The following ABI3BP variants were observed in gnomAD, a reference collection of about 807,000 sequenced individuals.
ABI3BP encodes target of Nesh-SH3.
Under a neutral mutation model 268.6 loss-of-function variants are expected in ABI3BP, and 216 were observed. The observed-to-expected ratio is 0.80, with a 90% CI of 0.72 to 0.90. The LOEUF is 0.90. Among genes scored for constraint, ABI3BP ranks in the 40% least tolerant of loss-of-function variants. The probability of loss-of-function intolerance (pLI) is 0.00; values close to 1 mark genes in which losing one functional copy is unlikely to be tolerated. For missense variants in ABI3BP, 2,090 were observed against 2,182.4 expected, an observed-to-expected ratio of 0.96 and a Z score of 0.84; for synonymous variants, 730 against 730.0, an observed-to-expected ratio of 1.00 and a Z score of 0.00.
At position 100,866,914 on chromosome 3, in the gene ABI3BP, G is replaced by A. The variant is rs1258036042; in HGVS notation, c.953C>T (p.Pro318Leu). ...TLALPAESKT[P>L]EVEKISARPT... ...TCGTGCTGAGATTTTTTCAACCTCTGGTGTTTTAGATTCGGCAGGTAATGC... is the reference window on the plus strand; with the variant it reads ...TCGTGCTGAGATTTTTTCAACCTCTAGTGTTTTAGATTCGGCAGGTAATGC... Residue 318 changes from proline (P) to leucine (L), a missense_variant, in exon 10 of 68, where the codon CCA (proline) becomes CTA (leucine). Pro to Leu is a moderately conservative substitution (Grantham distance 98). Coordinates refer to ENST00000471714, the MANE Select transcript of ABI3BP (RefSeq NM_001375547.2). 1 of 1,613,744 alleles carries A rather than the reference G, an allele frequency of 6.2e-7. No homozygotes were observed. Among genetic ancestry groups the A allele is most frequent in the Non-Finnish European group, 8.5e-7 (1 of 1,179,766 alleles).
intron 45 of ABI3BP, 63 bp from the exon 46 acceptor site, chr3:100,812,586 C>T: frequency 1.8e-6 from 2 of 1,087,346 alleles, no homozygotes; most frequent in Non-Finnish European, 2.4e-6. Context: ...TATAAAAGTG[C>T]TTTGCATCCA....
intron 13 of ABI3BP, 97 bp downstream of exon 13, chr3:100,862,741 A>T: frequency 1.2e-6 from 1 of 843,236 alleles, no homozygotes; most frequent in African/African-American, 1.7e-5. Context: ...CTATCAGTTC[A>T]TGAGGTTTCC....
rs148455289 is a variant in ABI3BP, at chr3:100,837,797, T to A, written c.2083+413A>T. 1.6e-4 allele frequency among the ~76,000 whole-genome samples: 24 copies of A among 152,212 alleles called. No individual in the cohort carries two copies. The East Asian group carries it at 4.6e-3, about 29-fold the overall frequency. On this transcript the variant is annotated intron_variant, in intron 26 of 67. Transcript: ENST00000471714. The stretch of plus-strand genomic sequence containing the variant: ...AGAATAAAATAAAATGTCAATAGAG[T>A]ATTTTAGAGGAAGCTAATCCCTGAC...
chr3:100,942,906 G>A (rs1025135301), intron 1 of ABI3BP, among the ~76,000 whole-genome samples: 7 of 152,068 alleles, frequency 4.6e-5, no homozygotes, highest in African/African-American at 1.4e-4. Flanking sequence ...GACATTTACA[G>A]ATATTCAACA....
At chr3:100,880,664 G>A (rs1216567016) in intron 6 of ABI3BP, among the ~76,000 whole-genome samples, 2 of 152,084 alleles carry the variant, frequency 1.3e-5, no homozygotes, top group African/African-American at 4.8e-5. Flanking sequence ...TTCTTGCCAT[G>A]GCTAGGAAAG....
intron 12 of ABI3BP, 160 bp downstream of exon 12, chr3:100,863,842 A>G: frequency 3.5e-6 from 2 of 570,124 alleles, no homozygotes; most frequent in Non-Finnish European, 6.2e-6. Flanking sequence ...CAACCAAACA[A>G]TTTGTCATAG....
chr3:100,942,040 A>G (rs945382801), intron 1 of ABI3BP, among the ~76,000 whole-genome samples: 8 of 152,158 alleles, frequency 5.3e-5, no homozygotes, highest in African/African-American at 1.7e-4. Flanking sequence ...ACTGACCAAA[A>G]AAACTAAATA....
intron 1 of ABI3BP, among the ~76,000 whole-genome samples, chr3:100,957,764 A>G (rs554850209): frequency 6.6e-6 from 1 of 152,198 alleles, no homozygotes; most frequent in African/African-American, 2.4e-5. Flanking sequence ...CTTAAATTTG[A>G]CCCTGGTTCC....
chr3:100,753,464 TA>T (rs1181100445), intron 65 of ABI3BP, among the ~76,000 whole-genome samples: 1 of 152,034 alleles, frequency 6.6e-6, no homozygotes, highest in Non-Finnish European at 1.5e-5. Context: ...TTTTTATTTT[TA>T]AATTTTTTGT....
intron 10 of ABI3BP, among the ~76,000 whole-genome samples, chr3:100,865,524 C>G (rs916986343): frequency 6.6e-6 from 1 of 152,208 alleles, no homozygotes; most frequent in African/African-American, 2.4e-5. Context: ...CACACTCCTT[C>G]CCCACCAGCC....
chr3:100,847,551 T>TA lies in ABI3BP; in HGVS notation c.1648+50_1648+51insT, dbSNP rs1165423360. The TA allele has an allele frequency of 2.2e-5, 33 of 1,490,962 alleles. No individual in the cohort carries two copies. In the African/African-American group the frequency reaches 4.2e-4, roughly 19 times the overall value. 92.4% of individuals were successfully genotyped at this position (1,490,962 alleles called of 1,614,324 possible). A position where few individuals can be genotyped will look rare whatever the true frequency, so the allele number is the denominator to read the frequency against. ...TTACATAAAAGCTGGGGTACTGGATTTTCCATGGTGAAATGAAGCAACACA... is the reference window on the plus strand; with the variant it reads ...TTACATAAAAGCTGGGGTACTGGATTATTCCATGGTGAAATGAAGCAACACA... On this transcript the variant is annotated intron_variant, in intron 19 of 67. Coordinates refer to ENST00000471714, the MANE Select transcript of ABI3BP (RefSeq NM_001375547.2).
At chr3:100,777,827 G>C (rs2096751053) in intron 59 of ABI3BP, among the ~76,000 whole-genome samples, 1 of 152,184 alleles carries the variant, frequency 6.6e-6, no homozygotes, top group South Asian at 2.1e-4. Context: ...TTTAGTCCCA[G>C]ATCTTCCCCT....
chr3:100,855,145 T>C (rs1325206705), intron 14 of ABI3BP, among the ~76,000 whole-genome samples: 2 of 152,130 alleles, frequency 1.3e-5, no homozygotes, highest in Non-Finnish European at 2.9e-5. Flanking sequence ...CCAGGCTGGC[T>C]TCAAACTCCT....
rs570335167 is a variant in ABI3BP at position 100,784,046 on chromosome 3, G to A, written c.4162+3682C>T. Among the ~76,000 whole-genome samples, 326 of 151,140 alleles carry A rather than the reference G, an allele frequency of 2.2e-3. 3 individuals are homozygous for A. The highest frequency in any genetic ancestry group is 7.6e-3 in the African/African-American group (312 of 41,146). ...TCTGCAGGCTACTTTCTAACCTTGGGGTACAGCAATGTCTATCTACACATA... is the reference window on the plus strand; with the variant it reads ...TCTGCAGGCTACTTTCTAACCTTGGAGTACAGCAATGTCTATCTACACATA... On this transcript the variant is annotated intron_variant, in intron 57 of 67. Coordinates refer to ENST00000471714, the MANE Select transcript of ABI3BP (RefSeq NM_001375547.2).
chr3:100,983,110 A>C (rs2090355293), intron 1 of ABI3BP, among the ~76,000 whole-genome samples: 1 of 152,218 alleles, frequency 6.6e-6, no homozygotes, highest in African/African-American at 2.4e-5. Context: ...TGGAAAAATA[A>C]CAGAATTGTA....
At chr3:100,861,108 A>G (rs1306370456) in intron 14 of ABI3BP, among the ~76,000 whole-genome samples, 1 of 152,184 alleles carries the variant, frequency 6.6e-6, no homozygotes, top group South Asian at 2.1e-4. Flanking sequence ...TTTTAGAGTC[A>G]GTGACTAGGG....
chr3:100,805,405 A>G (rs572593346), intron 50 of ABI3BP, among the ~76,000 whole-genome samples: 1 of 152,054 alleles, frequency 6.6e-6, no homozygotes, highest in Non-Finnish European at 1.5e-5. Context: ...GAAACCTTCA[A>G]ATGAATTTGC....
chr3:100,970,166 G>T (rs758655761), intron 1 of ABI3BP, among the ~76,000 whole-genome samples: 3 of 152,126 alleles, frequency 2.0e-5, no homozygotes, highest in Non-Finnish European at 2.9e-5. Flanking sequence ...TTATCCATAC[G>T]CATTCTCCTA....
chr3:100,992,709 C>T (rs1477271628), intron 1 of ABI3BP, among the ~76,000 whole-genome samples: 2 of 152,170 alleles, frequency 1.3e-5, no homozygotes, highest in African/African-American at 4.8e-5. Flanking sequence ...AAAATACCAA[C>T]ACTAAAATGA....
Sources: gnomAD v4.1 joint callset for allele counts (sites outside exome capture counted in the v4.1 genomes callset) on GRCh38, gnomAD v4.1.1 for gene constraint, MANE v1.5 for transcripts, NCBI Gene and HGNC (gene_info 2026-07-23, HGNC 2026-07-21) for gene names.